Variants in KIAA1217 observed in about 807,000 individuals in gnomAD.
KIAA1217 encodes sickle tail protein homolog.
KIAA1217 carries 88 observed loss-of-function variants against 163.9 expected under a neutral mutation model. That is an observed-to-expected ratio of 0.54 (90% CI 0.45 to 0.64). The LOEUF (loss-of-function observed/expected upper bound fraction) is 0.64. Ranked by LOEUF, KIAA1217 falls within the 30% of genes least tolerant of loss-of-function variation. The pLI is 0.00. For synonymous variants in KIAA1217, 903 were observed against 923.1 expected (o/e 0.98, Z 0.39); for missense variants, 2,372 against 2,475.0 (o/e 0.96, Z 0.88).
intron 3 of KIAA1217, among the ~76,000 whole-genome samples, chr10:24,427,616 C>T (rs1366733507): frequency 6.6e-6 from 1 of 152,156 alleles, no homozygotes; most frequent in Admixed American, 6.5e-5. Context: ...AATACATACA[C>T]ATGGTTTCTG....
chr10:23,901,370 C>T (rs886950101), intron 1 of KIAA1217, among the ~76,000 whole-genome samples: 21 of 152,050 alleles, frequency 1.4e-4, no homozygotes, highest in Non-Finnish European at 2.9e-4. Context: ...CAGTCTTATA[C>T]TTTAACTGGC....
chr10:24,311,534 A>G (rs1034955288), intron 2 of KIAA1217, among the ~76,000 whole-genome samples: 1 of 152,222 alleles, frequency 6.6e-6, no homozygotes, highest in Non-Finnish European at 1.5e-5. Flanking sequence ...CCGAGCAGCT[A>G]TGTAAGTGAA....
chr10:24,111,469 GA>G (rs550550665), intron 2 of KIAA1217, among the ~76,000 whole-genome samples: 600 of 150,752 alleles, frequency 4.0e-3, no homozygotes, highest in African/African-American at 0.013. Flanking sequence ...CATTTTGGGG[GA>G]AAAAAAAATC....
intron 2 of KIAA1217, among the ~76,000 whole-genome samples, chr10:24,294,187 CAAAAAAAA>C (rs371110913): frequency 2.0e-4 from 11 of 55,104 alleles, no homozygotes; most frequent in East Asian, 9.8e-4. Flanking sequence ...GACTCCGTCT[CAAAAAAAA>C]AAAAAAAAAA....
intron 1 of KIAA1217, among the ~76,000 whole-genome samples, chr10:23,745,897 G>C (rs150119708): frequency 1.3e-4 from 20 of 152,138 alleles, no homozygotes; most frequent in Non-Finnish European, 2.5e-4. Context: ...TAAAGAGAAG[G>C]CTAACCCATA....
intron 1 of KIAA1217, among the ~76,000 whole-genome samples, chr10:23,704,162 GTGTGTGTGTGTATATATATA>G (rs1836696093): frequency 1.3e-5 from 1 of 77,976 alleles, no homozygotes; most frequent in African/African-American, 7.1e-5. Context: ...GTGTGTGTGT[GTGTGTGTGTGTATATATATA>G]TATATATATA....
intron 2 of KIAA1217, among the ~76,000 whole-genome samples, chr10:24,322,943 C>T (rs1229871108): frequency 6.6e-6 from 1 of 152,008 alleles, no homozygotes; most frequent in Non-Finnish European, 1.5e-5. Flanking sequence ...TTTTTATTTT[C>T]ATTTTCAGTT....
chr10:24,114,463 T>A (rs1323706259), intron 2 of KIAA1217, among the ~76,000 whole-genome samples: 1 of 152,182 alleles, frequency 6.6e-6, no homozygotes, highest in East Asian at 1.9e-4. Context: ...AGACCCCCCC[T>A]GTTGCAGCCA....
chr10:23,988,028 G>A (rs1465879795), intron 1 of KIAA1217, among the ~76,000 whole-genome samples: 1 of 150,924 alleles, frequency 6.6e-6, no homozygotes. Context: ...ATATTTAAAA[G>A]TGTTTTTTTA....
chr10:23,828,223 T>C (rs1004392478), intron 1 of KIAA1217, among the ~76,000 whole-genome samples: 4 of 152,156 alleles, frequency 2.6e-5, no homozygotes, highest in Non-Finnish European at 4.4e-5. Flanking sequence ...TCTTGATTCC[T>C]GGTGTTATAA....
chr10:24,397,142 C>T (rs981234764), intron 3 of KIAA1217, among the ~76,000 whole-genome samples: 12 of 133,828 alleles, frequency 9.0e-5, no homozygotes, highest in Non-Finnish European at 1.2e-4. Context: ...GACGGAGTCT[C>T]ACTCTGTCAC....
At chr10:24,157,810 A>G (rs2064945922) in intron 2 of KIAA1217, 3 of 453,492 alleles carry the variant, frequency 6.6e-6, no homozygotes, top group Admixed American at 7.7e-5. Context: ...ATTTCTAAGA[A>G]TATAAAATAG....
At chr10:24,381,442 T>TC (rs1215882958) in intron 3 of KIAA1217, among the ~76,000 whole-genome samples, 1 of 152,142 alleles carries the variant, frequency 6.6e-6, no homozygotes, top group Admixed American at 6.5e-5. Flanking sequence ...GAGCAGAGGA[T>TC]GAGCAAGCAT....
At chr10:24,361,276 T>C (rs1472057075) in intron 2 of KIAA1217, among the ~76,000 whole-genome samples, 1 of 152,106 alleles carries the variant, frequency 6.6e-6, no homozygotes, top group Admixed American at 6.5e-5. Flanking sequence ...AGCCTCAACC[T>C]ACTCAGGCTC....
At chr10:24,121,960 G>A (rs529878581) in intron 2 of KIAA1217, among the ~76,000 whole-genome samples, 12 of 152,134 alleles carry the variant, frequency 7.9e-5, no homozygotes, top group Admixed American at 2.6e-4. Context: ...ACTACATAAC[G>A]TGTGGTTATC....
chr10:24,502,562 G>A (rs1170031429), intron 9 of KIAA1217, among the ~76,000 whole-genome samples: 4 of 152,172 alleles, frequency 2.6e-5, no homozygotes, highest in African/African-American at 9.6e-5. Flanking sequence ...ATCTCTGCAT[G>A]AGACCACATA....
intron 1 of KIAA1217, among the ~76,000 whole-genome samples, chr10:23,995,442 A>G (rs1283216226): frequency 7.2e-6 from 1 of 139,266 alleles, no homozygotes; most frequent in Non-Finnish European, 1.5e-5. Context: ...ATTACAGCCA[A>G]TTATGGCCTG....
intron 1 of KIAA1217, among the ~76,000 whole-genome samples, chr10:23,804,760 G>A (rs1564436097): frequency 1.3e-5 from 2 of 152,298 alleles, no homozygotes; most frequent in South Asian, 2.1e-4. Flanking sequence ...GTGAATGAAA[G>A]TGTATAGTCC....
intron 2 of KIAA1217, among the ~76,000 whole-genome samples, chr10:24,165,290 G>A (rs553318346): frequency 8.5e-5 from 13 of 152,144 alleles, no homozygotes; most frequent in Admixed American, 2.6e-4. Flanking sequence ...TGCTGGGAAT[G>A]GAAGAAGTTG....
Sources: gnomAD v4.1 joint callset for allele counts (sites outside exome capture counted in the v4.1 genomes callset) on GRCh38, gnomAD v4.1.1 for gene constraint, MANE v1.5 for transcripts, NCBI Gene and HGNC (gene_info 2026-07-23, HGNC 2026-07-21) for gene names.